Variants in TRMT11 observed in about 807,000 individuals in gnomAD.
The protein encoded by TRMT11 is tRNA methyltransferase 11.
A neutral mutation model predicts 62.8 loss-of-function variants in TRMT11; 53 were observed. The observed-to-expected ratio is 0.84, with a 90% CI of 0.68 to 1.06. The LOEUF (loss-of-function observed/expected upper bound fraction) is 1.06, where lower values mean the gene tolerates loss of function less well. Ranked by LOEUF, TRMT11 falls within the 50% of genes least tolerant of loss-of-function variation. The probability of loss-of-function intolerance (pLI) is 0.00; values close to 1 mark genes in which losing one functional copy is unlikely to be tolerated. For missense variants in TRMT11, 556 were observed against 553.4 expected, an observed-to-expected ratio of 1.00 and a Z score of -0.05; for synonymous variants, 188 against 190.3, an observed-to-expected ratio of 0.99 and a Z score of 0.10.
At chr6:126,194,950 A>G (rs1399235578) in intron 1 of TRMT11, among the ~76,000 whole-genome samples, 1 of 152,100 alleles carries the variant, frequency 6.6e-6, no homozygotes, top group Admixed American at 6.6e-5. Flanking sequence ...CCCTATCTCT[A>G]TAAAAAATAA....
intron 17 of TRMT11, among the ~76,000 whole-genome samples, chr6:126,067,934 G>A (rs1776738078): frequency 1.3e-5 from 2 of 152,082 alleles, no homozygotes; most frequent in Admixed American, 6.5e-5. Context: ...ATAAGATACT[G>A]TTTCCATGCC....
chr6:126,152,885 A>G (rs551208926), intron 21 of TRMT11, among the ~76,000 whole-genome samples: 8 of 152,268 alleles, frequency 5.3e-5, no homozygotes, highest in African/African-American at 1.4e-4. Flanking sequence ...TAGGAATCCA[A>G]CCTGAGGCAG....
intron 1 of TRMT11, among the ~76,000 whole-genome samples, chr6:126,188,756 A>G (rs1778556822): frequency 6.6e-6 from 1 of 152,166 alleles, no homozygotes; most frequent in Admixed American, 6.6e-5. Flanking sequence ...ACTGTTGTTT[A>G]TCACATTTTC....
intron 21 of TRMT11, among the ~76,000 whole-genome samples, chr6:126,138,082 T>C (rs934411125): frequency 6.6e-6 from 1 of 151,944 alleles, no homozygotes; most frequent in African/African-American, 2.4e-5. Context: ...TAATTTATTG[T>C]ATATTTCAAA....
At chr6:126,137,726 A>G (rs1777868580) in intron 21 of TRMT11, among the ~76,000 whole-genome samples, 2 of 151,998 alleles carry the variant, frequency 1.3e-5, no homozygotes, top group African/African-American at 2.4e-5. Context: ...CTAAGTGTCC[A>G]TCTACAGATG....
At chr6:126,093,631 A>ATATATATATATTTTTTTTTTTT (rs1554236842) in intron 17 of TRMT11, among the ~76,000 whole-genome samples, 6 of 98,012 alleles carry the variant, frequency 6.1e-5, no homozygotes, top group African/African-American at 2.6e-4. Context: ...ATATATATAT[A>ATATATATATATTTTTTTTTTTT]TTTTCCCCCA....
At chr6:126,052,357 C>T (rs779186699) in intron 16 of TRMT11, among the ~76,000 whole-genome samples, 6 of 152,162 alleles carry the variant, frequency 3.9e-5, no homozygotes, top group Non-Finnish European at 7.3e-5. Flanking sequence ...TTTTCCTTTC[C>T]TCTCATCCTT....
chr6:126,172,673 C>T (rs942451485), upstream of TRMT11, among the ~76,000 whole-genome samples: 8 of 152,144 alleles, frequency 5.3e-5, no homozygotes, highest in Non-Finnish European at 1.2e-4. Flanking sequence ...ATTTGCTGTA[C>T]TCACAGCTGT....
chr6:126,145,126 CT>C (rs1161134536), intron 21 of TRMT11, among the ~76,000 whole-genome samples: 1 of 152,136 alleles, frequency 6.6e-6, no homozygotes, highest in African/African-American at 2.4e-5. Context: ...TTTACTAAGT[CT>C]TTCTAGAAAG....
chr6:126,054,938 G>C (rs1211485746), intron 17 of TRMT11, among the ~76,000 whole-genome samples: 1 of 152,110 alleles, frequency 6.6e-6, no homozygotes, highest in Non-Finnish European at 1.5e-5. Context: ...GAGCAACCAG[G>C]CTTTTTGAGT....
At chr6:126,270,569 C>G in the TRMT11 span, among the ~76,000 whole-genome samples, 4 of 152,088 alleles carry the variant, frequency 2.6e-5, no homozygotes, top group Admixed American at 2.6e-4. Flanking sequence ...ATCAATGTTA[C>G]ACTTATTGCA....
At chr6:126,034,302 G>A (rs754841923) in intron 12 of TRMT11, among the ~76,000 whole-genome samples, 5 of 151,986 alleles carry the variant, frequency 3.3e-5, no homozygotes, top group East Asian at 1.9e-4. Flanking sequence ...AAAAAGATAC[G>A]GAAAATTAAA....
At chr6:126,000,373 T>G (rs1236383541) in intron 7 of TRMT11, among the ~76,000 whole-genome samples, 1 of 152,104 alleles carries the variant, frequency 6.6e-6, no homozygotes, top group African/African-American at 2.4e-5. Context: ...CCTTGGGCAG[T>G]GATGATGCAG....
chr6:126,125,240 G>A (rs780718148), intron 21 of TRMT11, among the ~76,000 whole-genome samples: 35 of 152,076 alleles, frequency 2.3e-4, no homozygotes, highest in Non-Finnish European at 4.4e-4. Context: ...TGCCCGTGGG[G>A]TTTGGGCTCT....
the TRMT11 span, among the ~76,000 whole-genome samples, chr6:126,223,083 C>T: frequency 6.6e-6 from 1 of 152,136 alleles, no homozygotes; most frequent in Non-Finnish European, 1.5e-5. Flanking sequence ...ACTTACGAAG[C>T]CTAGTTTGGC....
intron 1 of TRMT11, among the ~76,000 whole-genome samples, chr6:125,993,209 A>C (rs1790915717): frequency 6.6e-6 from 1 of 152,194 alleles, no homozygotes; most frequent in Non-Finnish European, 1.5e-5. Context: ...TATCAGTACA[A>C]AGTGATTGCT....
chr6:126,155,159 C>T (rs1321932316), intron 21 of TRMT11, among the ~76,000 whole-genome samples: 3 of 152,092 alleles, frequency 2.0e-5, no homozygotes, highest in African/African-American at 4.8e-5. Context: ...TTATGGGGCC[C>T]GAGGAATCTT....
chr6:126,041,227 G>C (rs552032002), downstream of TRMT11, among the ~76,000 whole-genome samples: 1 of 152,246 alleles, frequency 6.6e-6, no homozygotes, highest in African/African-American at 2.4e-5. Context: ...GTAGGGGAAA[G>C]TAGAGTATGT....
At chr6:126,154,270 T>C (rs1370076582) in intron 21 of TRMT11, among the ~76,000 whole-genome samples, 2 of 152,100 alleles carry the variant, frequency 1.3e-5, no homozygotes, top group Non-Finnish European at 2.9e-5. Flanking sequence ...TTAGTTTTCT[T>C]AGCAATTTTT....
Sources: allele counts gnomAD v4.1 joint callset (sites outside exome capture counted in the v4.1 genomes callset), GRCh38; gene constraint gnomAD v4.1.1; transcripts MANE v1.5; gene names NCBI Gene and HGNC (gene_info 2026-07-23, HGNC 2026-07-21).